Variants in TXNL4A observed in about 807,000 individuals in gnomAD.
The protein encoded by TXNL4A is thioredoxin-like protein 4A.
In TXNL4A, 17 loss-of-function variants were observed where a neutral mutation model predicts 14.6. The ratio of observed to expected loss-of-function variants is 1.16; its 90% CI spans 0.80 to 1.74. The LOEUF (loss-of-function observed/expected upper bound fraction) is 1.74, where lower values mean the gene tolerates loss of function less well. Among genes scored for constraint, TXNL4A ranks in the 40% most tolerant of loss-of-function variants. The pLI is 0.00. For synonymous variants in TXNL4A, 83 were observed against 70.6 expected (o/e 1.18, Z -0.88); for missense variants, 74 against 195.2 (o/e 0.38, Z 3.70).
chr18:80,008,723 G>A (rs1475553011), intron 1 of TXNL4A, among the ~76,000 whole-genome samples: 1 of 152,110 alleles, frequency 6.6e-6, no homozygotes, highest in Non-Finnish European at 1.5e-5. Flanking sequence ...GTATGAGTCT[G>A]TCTCACTTTC....
chr18:80,027,758 G>A (rs1338715777), intron 1 of TXNL4A, among the ~76,000 whole-genome samples: 3 of 152,168 alleles, frequency 2.0e-5, no homozygotes, highest in Non-Finnish European at 4.4e-5. Flanking sequence ...AGGACACAAA[G>A]TGTCCAAAGA....
chr18:80,000,561 CGAT>C (rs1274693518), intron 1 of TXNL4A, among the ~76,000 whole-genome samples: 2 of 152,250 alleles, frequency 1.3e-5, no homozygotes, highest in Admixed American at 6.5e-5. Flanking sequence ...TGCAGTCTGA[CGAT>C]GAGATAGAAA....
rs1404196493 is a variant in TXNL4A at position 79,972,128 on chromosome 18, T to C, written c.*1557A>G. On this transcript the variant is annotated 3_prime_UTR_variant, in exon 3 of 3. Coordinates refer to ENST00000269601, the MANE Select transcript of TXNL4A (RefSeq NM_006701.5). ...CTCCCGTTTCCACAACAGCAATCAA[T>C]CTCCCGACAGCAGCGAGCCCTGTGC... 1 of 152,280 alleles carries C rather than the reference T, an allele frequency of 6.6e-6. No individual in the cohort carries two copies. The highest frequency in any genetic ancestry group is 1.5e-5 in the Non-Finnish European group (1 of 68,076). The allele number at this position is 152,280 out of a possible 1,614,324, so 9.4% of individuals were successfully genotyped here.
chr18:80,012,390 G>A (rs1392417519), intron 1 of TXNL4A, among the ~76,000 whole-genome samples: 1 of 152,160 alleles, frequency 6.6e-6, no homozygotes, highest in African/African-American at 2.4e-5. Flanking sequence ...GATGTTACCT[G>A]ACAATGCTAC....
At chr18:79,981,513 A>C (rs995774922) in intron 1 of TXNL4A, among the ~76,000 whole-genome samples, 1 of 152,054 alleles carries the variant, frequency 6.6e-6, no homozygotes, top group African/African-American at 2.4e-5. Context: ...CTCTACTAAA[A>C]ACACAAAAAT....
intron 1 of TXNL4A, among the ~76,000 whole-genome samples, chr18:80,005,103 G>C (rs985796662): frequency 1.3e-5 from 2 of 152,250 alleles, no homozygotes; most frequent in Admixed American, 6.5e-5. Flanking sequence ...AGAACCATGA[G>C]GAAGGGCAAG....
In TXNL4A at chr18:79,973,868, A is replaced by G; in HGVS notation, c.258-12T>C. 5 of 1,612,470 alleles carry G rather than the reference A, an allele frequency of 3.1e-6. No homozygotes were observed. The highest frequency in any genetic ancestry group is 4.2e-6 in the Non-Finnish European group (5 of 1,179,274). On this transcript the variant is annotated splice_polypyrimidine_tract_variant and intron_variant, in intron 2 of 2. Transcript: ENST00000269601. ...TGATGTGCTTGTTCCTGCAACGAGA[A>G]ACAAGGGCATCCATTCTCATAGAAG...
At chr18:80,027,047 C>T (rs1430536672) in intron 1 of TXNL4A, among the ~76,000 whole-genome samples, 1 of 152,092 alleles carries the variant, frequency 6.6e-6, no homozygotes, top group East Asian at 1.9e-4. Flanking sequence ...CCCCAATTTT[C>T]CTGTTTACAC....
At chr18:80,022,409 T>C (rs977086088) in intron 1 of TXNL4A, among the ~76,000 whole-genome samples, 3 of 152,246 alleles carry the variant, frequency 2.0e-5, no homozygotes, top group Middle Eastern at 3.2e-3. Flanking sequence ...ATTTAGGTTA[T>C]CTTGCAAGGC....
chr18:80,017,451 G>A (rs1001971803), intron 1 of TXNL4A, among the ~76,000 whole-genome samples: 43 of 151,900 alleles, frequency 2.8e-4, no homozygotes, highest in African/African-American at 9.7e-4. Context: ...AATTTTCAAA[G>A]GGAATGCTTC....
chr18:79,978,416 G>T (rs984465670), intron 1 of TXNL4A, among the ~76,000 whole-genome samples: 1 of 152,110 alleles, frequency 6.6e-6, no homozygotes, highest in Non-Finnish European at 1.5e-5. Flanking sequence ...TTAATTGCAA[G>T]TTTATCAGAG....
chr18:80,027,535 CT>C (rs928055676), intron 1 of TXNL4A, among the ~76,000 whole-genome samples: 2 of 152,174 alleles, frequency 1.3e-5, no homozygotes, highest in African/African-American at 4.8e-5. Context: ...TTTACCTTTA[CT>C]TGGAAAGAAG....
At chr18:80,016,383 A>G (rs1475097697) in intron 1 of TXNL4A, among the ~76,000 whole-genome samples, 10 of 151,830 alleles carry the variant, frequency 6.6e-5, no homozygotes, top group Admixed American at 6.6e-4. Flanking sequence ...CCCATTTGTC[A>G]ATTTTGGCTT....
chr18:80,011,967 C>T lies in TXNL4A; in HGVS notation c.-61+21884G>A, dbSNP rs1017478154. On this transcript the variant is annotated intron_variant, in intron 1 of 2. Transcript: ENST00000585474. This position sits in a 1 kb window ranked among gnomAD's most constrained non-coding sequence, Gnocchi z 4.1. ...TCTCCTTCACTGATTAATCCTTTTC[C>T]TCATCCCTTCCTCCCCCTCCCATCT... Among the ~76,000 whole-genome samples the T allele has an allele frequency of 6.6e-6, 1 of 152,052 alleles. No individual in the cohort carries two copies. Among genetic ancestry groups the T allele is most frequent in the African/African-American group, 2.4e-5 (1 of 41,392 alleles).
chr18:79,995,845 G>C (rs2051657005), intron 1 of TXNL4A, among the ~76,000 whole-genome samples: 1 of 152,196 alleles, frequency 6.6e-6, no homozygotes, highest in Admixed American at 6.5e-5. Flanking sequence ...GCTCACGCCT[G>C]TAATCCCAGA....
Position 79,995,976 on chromosome 18 carries a change from C to T in TXNL4A, c.-60-18275G>A, listed in dbSNP as rs868087423. Among the ~76,000 whole-genome samples the T allele has an allele frequency of 9.2e-5, 14 of 151,882 alleles. 1 individual carries two copies. The Middle Eastern group carries it at 0.01, about 111-fold the overall frequency. ...AAAATTAGCCGGGCATGGTGGCGGG[C>T]GCCTGTAGTCCCAGCTACTTGGGAG... On this transcript the variant is annotated intron_variant, in intron 1 of 2. Transcript: ENST00000585474.
At chr18:79,981,157 C>T (rs76496441) in intron 1 of TXNL4A, among the ~76,000 whole-genome samples, 2,511 of 152,302 alleles carry the variant, frequency 0.016, 40 homozygotes, top group Non-Finnish European at 0.026. Flanking sequence ...CAATGCCTTG[C>T]TCAGGGACAG....
intron 1 of TXNL4A, among the ~76,000 whole-genome samples, chr18:80,021,869 T>C (rs1188945537): frequency 1.3e-5 from 2 of 152,200 alleles, no homozygotes; most frequent in African/African-American, 2.4e-5. Flanking sequence ...ATAACAGTTG[T>C]AGCCTGGCCA....
intron 1 of TXNL4A, among the ~76,000 whole-genome samples, chr18:80,013,773 G>A (rs555747167): frequency 6.6e-6 from 1 of 152,282 alleles, no homozygotes; most frequent in African/African-American, 2.4e-5. Context: ...ACAAGGGTCC[G>A]AGATTTCATG....
Sources: allele counts gnomAD v4.1 joint callset (sites outside exome capture counted in the v4.1 genomes callset), GRCh38; gene constraint gnomAD v4.1.1; non-coding constraint Gnocchi (gnomAD v3.1); transcripts MANE v1.5; gene names NCBI Gene and HGNC (gene_info 2026-07-23, HGNC 2026-07-21).